CLIC5: variants seen among roughly 807,000 people sequenced by gnomAD.
CLIC5 encodes the protein chloride intracellular channel protein 5.
In CLIC5, 20 loss-of-function variants were observed where a neutral mutation model predicts 24.7. The ratio of observed to expected loss-of-function variants is 0.81; its 90% CI spans 0.57 to 1.18. The LOEUF (loss-of-function observed/expected upper bound fraction) is 1.18, where lower values mean the gene tolerates loss of function less well. CLIC5 is among the 50% of genes most tolerant of loss of function. CLIC5 has a pLI of 0.00. For missense variants in CLIC5, 341 were observed against 326.1 expected, an observed-to-expected ratio of 1.05 and a Z score of -0.35; for synonymous variants, 159 against 135.6, an observed-to-expected ratio of 1.17 and a Z score of -1.20.
chr6:46,092,279 C>T, the CLIC5 span, among the ~76,000 whole-genome samples: 1 of 152,158 alleles, frequency 6.6e-6, no homozygotes, highest in Non-Finnish European at 1.5e-5. Context: ...CAGTTTCCTA[C>T]AGGAAATGAT....
At chr6:46,094,769 T>C in the CLIC5 span, among the ~76,000 whole-genome samples, 8 of 152,304 alleles carry the variant, frequency 5.3e-5, no homozygotes, top group East Asian at 1.4e-3. Flanking sequence ...TCTACCATTC[T>C]GGGGTTTGGA....
At chr6:46,108,436 G>A in the CLIC5 span, among the ~76,000 whole-genome samples, 8 of 150,038 alleles carry the variant, frequency 5.3e-5, no homozygotes, top group African/African-American at 2.0e-4. Flanking sequence ...CATTCTTGTT[G>A]CCCAGGCTGG....
chr6:45,944,262 A>G (rs1040943086), intron 3 of CLIC5, among the ~76,000 whole-genome samples: 1 of 152,202 alleles, frequency 6.6e-6, no homozygotes, highest in Non-Finnish European at 1.5e-5. Context: ...TGAAAATAAT[A>G]TGAAATTCAA....
In CLIC5 at chr6:45,944,280, T is replaced by G. The variant is rs369363001; in HGVS notation, c.300-2627A>C. Reference sequence around the variant, plus strand: ...AAATAATATGAAATTCAAATTTCAGTGTTCATAAGTAAAATATTATTGAAA... The same window carrying G: ...AAATAATATGAAATTCAAATTTCAGGGTTCATAAGTAAAATATTATTGAAA... On this transcript the variant is annotated intron_variant, in intron 3 of 5. Coordinates refer to ENST00000339561, the MANE Select transcript of CLIC5 (RefSeq NM_016929.5). 1.7e-3 allele frequency among the ~76,000 whole-genome samples: 259 copies of G among 152,240 alleles called. 9 individuals are homozygous for G. In the South Asian group the frequency reaches 0.051, roughly 30 times the overall value.
At chr6:46,001,979 G>A (rs1225012825) in intron 1 of CLIC5, among the ~76,000 whole-genome samples, 1 of 152,136 alleles carries the variant, frequency 6.6e-6, no homozygotes, top group Non-Finnish European at 1.5e-5. Context: ...GACTCAGAAA[G>A]TCCTAGCAGT....
chr6:45,926,722 T>C (rs957750128), intron 4 of CLIC5, among the ~76,000 whole-genome samples: 2 of 152,170 alleles, frequency 1.3e-5, no homozygotes, highest in African/African-American at 4.8e-5. Flanking sequence ...TAACACCAAA[T>C]AGAATTTCCC....
intron 1 of CLIC5, among the ~76,000 whole-genome samples, chr6:46,023,042 T>A (rs1767228911): frequency 6.6e-6 from 1 of 152,178 alleles, no homozygotes; most frequent in Non-Finnish European, 1.5e-5. Flanking sequence ...TCCTGTATAG[T>A]GCACATGCTC....
At chr6:46,062,829 T>A (rs1469420203) in intron 1 of CLIC5, among the ~76,000 whole-genome samples, 1 of 152,208 alleles carries the variant, frequency 6.6e-6, no homozygotes, top group East Asian at 1.9e-4. Flanking sequence ...TTGGCAACAA[T>A]AAATTCCATT....
chr6:46,122,078 G>A, the CLIC5 span, among the ~76,000 whole-genome samples: 933 of 152,178 alleles, frequency 6.1e-3, 8 homozygotes, highest in African/African-American at 0.021. Context: ...CACCAAGCAG[G>A]CCTAATAGAC....
chr6:45,939,920 T>C (rs535665252), intron 4 of CLIC5, among the ~76,000 whole-genome samples: 2 of 151,736 alleles, frequency 1.3e-5, no homozygotes, highest in Admixed American at 6.6e-5. Context: ...CAAGCAGCAA[T>C]GAAGCAAGAG....
intron 1 of CLIC5, among the ~76,000 whole-genome samples, chr6:45,982,590 C>T (rs551618005): frequency 1.3e-5 from 2 of 152,152 alleles, no homozygotes; most frequent in South Asian, 4.2e-4. Context: ...AACTGTAACA[C>T]AAGGGTAAGT....
At chr6:46,110,156 C>T in the CLIC5 span, among the ~76,000 whole-genome samples, 1 of 152,194 alleles carries the variant, frequency 6.6e-6, no homozygotes, top group Non-Finnish European at 1.5e-5. Context: ...CATATAAATG[C>T]TAAACCATCA....
chr6:46,027,476 A>G (rs1244201892), intron 1 of CLIC5, among the ~76,000 whole-genome samples: 1 of 152,148 alleles, frequency 6.6e-6, no homozygotes, highest in African/African-American at 2.4e-5. Flanking sequence ...ACCTTTTCCT[A>G]TGTAATTATA....
intron 1 of CLIC5, among the ~76,000 whole-genome samples, chr6:45,973,150 C>T (rs140954492): frequency 6.6e-6 from 1 of 152,310 alleles, no homozygotes; most frequent in East Asian, 1.9e-4. Context: ...ATGTTCATCT[C>T]GAACAGGCCC....
At chr6:46,073,291 T>C (rs1246702393) in intron 1 of CLIC5, among the ~76,000 whole-genome samples, 1 of 152,102 alleles carries the variant, frequency 6.6e-6, no homozygotes, top group Non-Finnish European at 1.5e-5. Flanking sequence ...AATCAAAACC[T>C]TGTGCTGAAT....
intron 1 of CLIC5, among the ~76,000 whole-genome samples, chr6:46,075,294 A>T (rs1032928865): frequency 3.9e-5 from 6 of 152,126 alleles, no homozygotes; most frequent in Non-Finnish European, 8.8e-5. Context: ...GGGGCTGGGC[A>T]CAGTGGCTTC....
intron 1 of CLIC5, among the ~76,000 whole-genome samples, chr6:46,048,004 AC>A (rs1768001847): frequency 9.1e-6 from 1 of 110,240 alleles, no homozygotes; most frequent in Non-Finnish European, 1.8e-5. Flanking sequence ...TTCCATATCT[AC>A]TTTTTTTTTT....
At chr6:46,031,335 T>C (rs976621895) in intron 1 of CLIC5, among the ~76,000 whole-genome samples, 16 of 151,998 alleles carry the variant, frequency 1.1e-4, no homozygotes, top group African/African-American at 3.4e-4. Flanking sequence ...ATACAATATA[T>C]GAAAACAACA....
intron 1 of CLIC5, among the ~76,000 whole-genome samples, chr6:46,077,120 CT>C (rs568233848): frequency 3.3e-5 from 5 of 151,084 alleles, no homozygotes; most frequent in African/African-American, 7.3e-5. Context: ...GGAGACGAGA[CT>C]TTTTTTTTCT....
Sources: allele counts gnomAD v4.1 joint callset (sites outside exome capture counted in the v4.1 genomes callset), GRCh38; gene constraint gnomAD v4.1.1; transcripts MANE v1.5; gene names NCBI Gene and HGNC (gene_info 2026-07-23, HGNC 2026-07-21).